Variants in COL4A2 observed in about 807,000 individuals in gnomAD.
COL4A2 encodes the protein collagen type IV alpha 2 chain.
COL4A2 carries 99 observed loss-of-function variants against 200.2 expected under a neutral mutation model. The observed-to-expected ratio is 0.49, with a 90% CI of 0.42 to 0.58. The LOEUF (loss-of-function observed/expected upper bound fraction) is 0.58. COL4A2 is among the 20% of genes least tolerant of loss of function. The pLI is 0.00. For synonymous variants in COL4A2, 897 were observed against 900.6 expected (o/e 1.00, Z 0.07); for missense variants, 1,950 against 2,314.1 (o/e 0.84, Z 3.23).
chr13:110,509,987 A>ATACCTATTTCTTGGT (rs1427416665), intron 47 of COL4A2, among the ~76,000 whole-genome samples: 1 of 152,336 alleles, frequency 6.6e-6, no homozygotes, highest in Admixed American at 6.5e-5. Flanking sequence ...AAACCAAGAC[A>ATACCTATTTCTTGGT]GCTGTGTGCC....
chr13:110,457,657 C>A (rs199551045), intron 21 of COL4A2: 1 of 670,092 alleles, frequency 1.5e-6, no homozygotes, highest in Non-Finnish European at 2.8e-6. Flanking sequence ...CGTCCCTGCT[C>A]TCCATCTGCC....
At chr13:110,432,254 G>A (rs1413150578) in intron 10 of COL4A2, 71 bp from the exon 11 acceptor site, 1 of 1,529,214 alleles carries the variant, frequency 6.5e-7, no homozygotes. Flanking sequence ...CTTTCCCAGA[G>A]CTTTCCACCA....
chr13:110,336,038 C>T (rs1242276658), intron 3 of COL4A2, among the ~76,000 whole-genome samples: 2 of 152,222 alleles, frequency 1.3e-5, no homozygotes, highest in African/African-American at 4.8e-5. Flanking sequence ...CACCTTTCCC[C>T]CCAGAGCTGA....
At chr13:110,446,475 C>T (rs977602262) in intron 17 of COL4A2, among the ~76,000 whole-genome samples, 4 of 152,186 alleles carry the variant, frequency 2.6e-5, no homozygotes, top group African/African-American at 9.7e-5. Flanking sequence ...CCTCGCCAGG[C>T]GGCTCGGCTA....
Position 110,512,280 on chromosome 13 carries a change from TTAA to T in COL4A2, c.*90_*92del. The T allele has an allele frequency of 7.1e-7, 1 of 1,411,800 alleles. No homozygotes were observed. Among genetic ancestry groups the T allele is most frequent in the Non-Finnish European group, 9.2e-7 (1 of 1,089,228 alleles). The allele number at this position is 1,411,800 out of a possible 1,614,324, so 87.5% of individuals were successfully genotyped here. A position where few individuals can be genotyped will look rare whatever the true frequency, so the allele number is the denominator to read the frequency against. On this transcript the variant is annotated 3_prime_UTR_variant, in exon 48 of 48. Coordinates refer to ENST00000360467, the MANE Select transcript of COL4A2 (RefSeq NM_001846.4). ...CCCAAAAATTGGTTTTATTTTTTTC[TTAA>T]AAAAAAAAAAGTCTACCAAAGGAAT...
At chr13:110,503,592 T>C (rs551150128) in intron 43 of COL4A2, 111 bp downstream of exon 43, 1 of 742,802 alleles carries the variant, frequency 1.3e-6, no homozygotes, top group Non-Finnish European at 2.2e-6. Context: ...GGGTCACATG[T>C]TGTAAAGAGC....
chr13:110,470,809 G>A (rs1226770262), intron 28 of COL4A2, among the ~76,000 whole-genome samples: 3 of 152,192 alleles, frequency 2.0e-5, no homozygotes, highest in Non-Finnish European at 2.9e-5. Context: ...AGAAGTGTCT[G>A]TCCGTCCCTG....
intron 16 of COL4A2, among the ~76,000 whole-genome samples, chr13:110,441,925 C>T (rs77046200): frequency 1.9e-4 from 25 of 129,412 alleles, no homozygotes; most frequent in African/African-American, 7.2e-4. Flanking sequence ...ACTAAAAATA[C>T]AAAAAAAAAA....
intron 3 of COL4A2, among the ~76,000 whole-genome samples, chr13:110,326,253 T>C (rs529068846): frequency 1.3e-5 from 2 of 152,294 alleles, no homozygotes; most frequent in African/African-American, 4.8e-5. Context: ...GTGAGATGAA[T>C]TTATAATCCT....
intron 3 of COL4A2, among the ~76,000 whole-genome samples, chr13:110,348,463 A>C (rs1876811393): frequency 6.6e-6 from 1 of 152,216 alleles, no homozygotes; most frequent in African/African-American, 2.4e-5. Context: ...CCATGTTGGA[A>C]TTATTTCCTT....
At chr13:110,370,445 C>T (rs775067305) in intron 4 of COL4A2, among the ~76,000 whole-genome samples, 1 of 152,042 alleles carries the variant, frequency 6.6e-6, no homozygotes, top group African/African-American at 2.4e-5. Flanking sequence ...TTAGTAGAAA[C>T]GGGGTTTCAC....
chr13:110,469,313 C>T lies in COL4A2; in HGVS notation c.2192C>T (p.Pro731Leu). Residue 731 changes from proline (P) to leucine (L), a missense_variant, in exon 28 of 48, where the codon CCA becomes CTA. Physicochemically the swap from Pro to Leu is moderately conservative, Grantham distance 98. Around this residue, in one of 2 missense-constraint regions of COL4A2, gnomAD observed 1,385 missense variants for 1,720.5 expected, o/e 0.80. Coordinates refer to ENST00000360467, the MANE Select transcript of COL4A2 (RefSeq NM_001846.4). ...GGAGACGCAGGTCGTGAAGGGTTCC[C>T]AGGACCCCCAGGTGAGTTGAGATCA... The part of the protein sequence containing the change: ...LPGDAGREGF[P>L]GPPGFIGPRG... The T allele has an allele frequency of 6.3e-7, 1 of 1,581,570 alleles. No homozygotes were observed. The highest frequency in any genetic ancestry group is 8.6e-7 in the Non-Finnish European group (1 of 1,163,570).
intron 4 of COL4A2, among the ~76,000 whole-genome samples, chr13:110,423,163 T>TA (rs752480293): frequency 6.6e-6 from 1 of 152,166 alleles, no homozygotes; most frequent in Non-Finnish European, 1.5e-5. Flanking sequence ...AATTAGGACA[T>TA]ACGTTTTTTT....
chr13:110,452,338 A>G (rs890191819), intron 20 of COL4A2, among the ~76,000 whole-genome samples: 4 of 152,140 alleles, frequency 2.6e-5, no homozygotes, highest in Non-Finnish European at 5.9e-5. Context: ...AATTTTTTGT[A>G]TTTTTAATAG....
intron 3 of COL4A2, among the ~76,000 whole-genome samples, 188 bp from the exon 4 acceptor site, chr13:110,357,284 A>C (rs1457587759): frequency 6.6e-6 from 1 of 152,140 alleles, no homozygotes; most frequent in Non-Finnish European, 1.5e-5. Context: ...TCTGGACCTT[A>C]CACTCGATTT....
At chr13:110,317,212 A>T (rs373257439) in intron 3 of COL4A2, among the ~76,000 whole-genome samples, 1 of 141,480 alleles carries the variant, frequency 7.1e-6, no homozygotes, top group Non-Finnish European at 1.5e-5. Flanking sequence ...ACACACGTGC[A>T]CCCCACACAC....
chr13:110,314,579 G>A (rs1885082980), intron 3 of COL4A2, among the ~76,000 whole-genome samples: 1 of 152,172 alleles, frequency 6.6e-6, no homozygotes, highest in Non-Finnish European at 1.5e-5. Context: ...CACCACATGG[G>A]AGGCCCGGTG....
Position 110,438,757 on chromosome 13 carries a change from G to T in COL4A2, c.912+89G>T. The T allele has an allele frequency of 2.0e-6, 3 of 1,515,992 alleles. No individual in the cohort carries two copies. The South Asian group carries it at 3.4e-5, about 17-fold the overall frequency. 93.9% of individuals were successfully genotyped at this position (1,515,992 alleles called of 1,614,324 possible). ...TTTTTAGAGCTGTTTCAGATTCACA[G>T]CAAAATTTAGCAGAAAGTATAGAGA... On this transcript the variant is annotated intron_variant, in intron 15 of 47. Transcript: ENST00000360467.
At chr13:110,399,985 T>C (rs1359711044) in intron 4 of COL4A2, among the ~76,000 whole-genome samples, 1 of 152,230 alleles carries the variant, frequency 6.6e-6, no homozygotes, top group Non-Finnish European at 1.5e-5. Flanking sequence ...CTTGAATTTG[T>C]TCCATATTCA....
Sources: allele counts gnomAD v4.1 joint callset (sites outside exome capture counted in the v4.1 genomes callset), GRCh38; gene constraint gnomAD v4.1.1; regional missense constraint gnomAD v4.1.1; transcripts MANE v1.5; gene names NCBI Gene and HGNC (gene_info 2026-07-23, HGNC 2026-07-21).